Variants in KDM4B observed in about 807,000 individuals in gnomAD.
KDM4B encodes lysine-specific demethylase 4B.
In KDM4B, 32 loss-of-function variants were observed where a neutral mutation model predicts 125.2. The observed-to-expected ratio is 0.26, with a 90% CI of 0.19 to 0.34. The LOEUF is 0.34. Among genes scored for constraint, KDM4B ranks in the 10% least tolerant of loss-of-function variants. The pLI is 1.00. For synonymous variants in KDM4B, 721 were observed against 677.9 expected (o/e 1.06, Z -0.99); for missense variants, 1,190 against 1,577.7 (o/e 0.75, Z 4.16).
At chr19:5,093,646 A>C (rs2038757731) in intron 9 of KDM4B, among the ~76,000 whole-genome samples, 1 of 152,300 alleles carries the variant, frequency 6.6e-6, no homozygotes, top group East Asian at 1.9e-4. Context: ...CTCGGTGTTT[A>C]ACGCTTTGTG....
At chr19:5,091,421 A>G (rs1228030197) in intron 9 of KDM4B, among the ~76,000 whole-genome samples, 1 of 152,102 alleles carries the variant, frequency 6.6e-6, no homozygotes, top group African/African-American at 2.4e-5. Flanking sequence ...GGTGTCTGGC[A>G]GGGAGAGCTT....
chr19:5,081,779 GC>G lies in KDM4B; in HGVS notation c.781-584del, dbSNP rs1328836409. 6.6e-6 allele frequency among the ~76,000 whole-genome samples: 1 copy of G among 152,182 alleles called. No homozygotes were observed. The highest frequency in any genetic ancestry group is 1.9e-4 in the East Asian group (1 of 5,188). On this transcript the variant is annotated intron_variant, in intron 8 of 22. Coordinates refer to ENST00000159111, the MANE Select transcript of KDM4B (RefSeq NM_015015.3). The surrounding 1 kb of genome is among the most constrained non-coding windows in gnomAD (Gnocchi z 4.2). ...GGCTTGGGATGGCGGCGTGTCGCAG[GC>G]CCCTTCCTGGCGTGTTTTGCGCGTG...
intron 1 of KDM4B, among the ~76,000 whole-genome samples, chr19:4,993,725 C>G (rs1475617177): frequency 7.5e-6 from 1 of 133,632 alleles, no homozygotes; most frequent in Non-Finnish European, 1.5e-5. Flanking sequence ...ATCCTCCTGC[C>G]TCAGCATCCT....
At chr19:5,011,177 C>T (rs1302146153) in intron 1 of KDM4B, among the ~76,000 whole-genome samples, 3 of 152,250 alleles carry the variant, frequency 2.0e-5, no homozygotes, top group Middle Eastern at 3.4e-3. Context: ...TCTGCCCCAG[C>T]CCTGGAATTG....
rs200439733 is a variant in KDM4B, at chr19:5,111,374, GA to G, written c.1115+558del. 2,230 of 764,258 alleles carry G rather than the reference GA, an allele frequency of 2.9e-3. 6 individuals carry two copies. The highest frequency in any genetic ancestry group is 4.0e-3 in the Non-Finnish European group (1,677 of 417,106). The allele number at this position is 764,258 out of a possible 1,614,324, so 47.3% of individuals were successfully genotyped here. On this transcript the variant is annotated intron_variant, in intron 10 of 22. Coordinates refer to ENST00000159111, the MANE Select transcript of KDM4B (RefSeq NM_015015.3). Reference sequence around the variant, plus strand: ...ACCCTGGATGCCCTCCTCCCACTCAGAACCCCTCCCTGCGTATCGCCGCACA... The same window carrying G: ...ACCCTGGATGCCCTCCTCCCACTCAGACCCCTCCCTGCGTATCGCCGCACA...
At chr19:4,982,947 T>C (rs1356792514) in intron 1 of KDM4B, among the ~76,000 whole-genome samples, 1 of 152,008 alleles carries the variant, frequency 6.6e-6, no homozygotes, top group African/African-American at 2.4e-5. Flanking sequence ...CGCTGTCCAG[T>C]GAGGATGCAG....
intron 1 of KDM4B, among the ~76,000 whole-genome samples, chr19:5,015,132 G>C (rs546736994): frequency 6.6e-6 from 1 of 152,300 alleles, no homozygotes; most frequent in African/African-American, 2.4e-5. Context: ...GGAAGCAGAG[G>C]GCAGCCTGAG....
chr19:5,015,591 T>C (rs931806334), intron 1 of KDM4B, among the ~76,000 whole-genome samples: 1 of 152,198 alleles, frequency 6.6e-6, no homozygotes, highest in Non-Finnish European at 1.5e-5. Context: ...GGCTTATGCC[T>C]GTAATCCCAG....
chr19:5,137,650 T>C lies in KDM4B; in HGVS notation c.2415T>C (p.Gly805=). 1.3e-6 allele frequency: 2 copies of C among 1,598,916 alleles called. No individual in the cohort carries two copies. Among genetic ancestry groups the C allele is most frequent in the Non-Finnish European group, 1.7e-6 (2 of 1,176,608 alleles). ...GCTGCCTGTGCAACCTGCGAGGAGGTGCGCTGCAGATGACCACCGATAGGA... is the reference window on the plus strand; with the variant it reads ...GCTGCCTGTGCAACCTGCGAGGAGGCGCGCTGCAGATGACCACCGATAGGA... ...AECCLCNLRG[G]ALQMTTDRRW... The change falls in exon 17 of 23, where the codon GGT becomes GGC. Residue 805 remains glycine (G), a synonymous_variant. Transcript: ENST00000159111.
At chr19:5,018,668 G>A (rs557989666) in intron 2 of KDM4B, among the ~76,000 whole-genome samples, 4 of 152,174 alleles carry the variant, frequency 2.6e-5, no homozygotes, top group Non-Finnish European at 5.9e-5. Flanking sequence ...CACTCATTCC[G>A]GAGCATCTCA....
chr19:5,011,496 G>C (rs985736867), intron 1 of KDM4B, among the ~76,000 whole-genome samples: 1 of 152,210 alleles, frequency 6.6e-6, no homozygotes, highest in Non-Finnish European at 1.5e-5. Flanking sequence ...CCTGGAAAAA[G>C]GAGGACCTTC....
chr19:5,031,532 G>A lies in KDM4B; in HGVS notation c.-25-1334G>A, dbSNP rs144534918. Among the ~76,000 whole-genome samples the A allele has an allele frequency of 8.3e-3, 1,265 of 152,368 alleles. 4 individuals carry two copies. The highest frequency in any genetic ancestry group is 0.034 in the Middle Eastern group (10 of 294). On this transcript the variant is annotated intron_variant, in intron 2 of 22. Transcript: ENST00000159111. ...GCCCACGTGGGCTTGGAGCTGTGCG[G>A]TTTTGTCAAACCCAGTGGGGGTCTC...
At chr19:5,111,017 C>T (rs1464706435) in intron 10 of KDM4B, among the ~76,000 whole-genome samples, 199 bp downstream of exon 10, 2 of 152,154 alleles carry the variant, frequency 1.3e-5, no homozygotes, top group Non-Finnish European at 2.9e-5. Flanking sequence ...AGTGTTTTCT[C>T]GAGGCCTCGC....
intron 3 of KDM4B, among the ~76,000 whole-genome samples, chr19:5,038,774 C>T (rs10401977): frequency 0.56 from 84,957 of 152,148 alleles, 25,150 homozygotes; most frequent in Middle Eastern, 0.66. Flanking sequence ...GAGATGGGTG[C>T]GCTGGGCCCC....
chr19:5,015,254 CT>C (rs2035856827), intron 1 of KDM4B, among the ~76,000 whole-genome samples: 2 of 151,632 alleles, frequency 1.3e-5, no homozygotes, highest in East Asian at 3.9e-4. Context: ...TGTGAAAGTC[CT>C]TTTTTTTCCC....
chr19:5,149,160 C>G, intron 21 of KDM4B, among the ~76,000 whole-genome samples: 1 of 152,254 alleles, frequency 6.6e-6, no homozygotes, highest in East Asian at 1.9e-4. Flanking sequence ...AAGGCAGGGT[C>G]TGTGCTCCCT....
intron 2 of KDM4B, among the ~76,000 whole-genome samples, chr19:5,024,152 C>A (rs1459888251): frequency 6.6e-6 from 1 of 152,196 alleles, no homozygotes; most frequent in Non-Finnish European, 1.5e-5. Context: ...CACACCCCTG[C>A]ATCCTGCCCC....
rs2039535092 is a variant in KDM4B, at chr19:5,131,117, G to C, written c.1357G>C (p.Glu453Gln). 1 of 1,525,584 alleles carries C rather than the reference G, an allele frequency of 6.6e-7. No individual in the cohort carries two copies. Among genetic ancestry groups the C allele is most frequent in the South Asian group, 1.3e-5 (1 of 77,552 alleles). The allele number at this position is 1,525,584 out of a possible 1,614,324, so 94.5% of individuals were successfully genotyped here. A position where few individuals can be genotyped will look rare whatever the true frequency, so the allele number is the denominator to read the frequency against. The change falls in exon 12 of 23, where the codon GAG becomes CAG. Residue 453 changes from glutamate to glutamine, a missense_variant. Physicochemically the swap from Glu to Gln is conservative, Grantham distance 29. Coordinates refer to ENST00000159111, the MANE Select transcript of KDM4B (RefSeq NM_015015.3). ...GCTGCGGCCAACCAAGGCCAAGAGCGAGCGGAAGAAGAAGAGCTTCGGCCT... is the reference window on the plus strand; with the variant it reads ...GCTGCGGCCAACCAAGGCCAAGAGCCAGCGGAAGAAGAAGAGCTTCGGCCT... ...GKLRPTKAKSERKKKSFGLLP... is the reference protein window; with the variant it reads ...GKLRPTKAKSQRKKKSFGLLP...
chr19:5,046,532 G>A (rs952955568), intron 5 of KDM4B, among the ~76,000 whole-genome samples: 4 of 152,224 alleles, frequency 2.6e-5, no homozygotes, highest in South Asian at 2.1e-4. Context: ...AGCAGCTCAC[G>A]TTCATGTGTG....
Sources: gnomAD v4.1 joint callset for allele counts (sites outside exome capture counted in the v4.1 genomes callset) on GRCh38, gnomAD v4.1.1 for gene constraint, Gnocchi (gnomAD v3.1) non-coding constraint, MANE v1.5 for transcripts, NCBI Gene and HGNC (gene_info 2026-07-23, HGNC 2026-07-21) for gene names.